Variants in ABCG8 observed in about 807,000 individuals in gnomAD.
ABCG8 encodes the protein ATP binding cassette subfamily G member 8.
Under a neutral mutation model 71.3 loss-of-function variants are expected in ABCG8, and 81 were observed. That is an observed-to-expected ratio of 1.14 (90% CI 0.95 to 1.37). The LOEUF is 1.37. Among genes scored for constraint, ABCG8 ranks in the 40% most tolerant of loss-of-function variants. The pLI is 0.00. For missense variants in ABCG8, 1,119 were observed against 866.2 expected (o/e 1.29, Z -3.66); for synonymous variants, 451 against 354.7 (o/e 1.27, Z -3.05).
At chr2:43,847,772 T>C (rs2104914340) in intron 3 of ABCG8, 1 of 152,294 alleles carries the variant, frequency 6.6e-6, no homozygotes, top group Non-Finnish European at 1.5e-5. Context: ...GTTGTTGTTT[T>C]GTTTTTTTGA....
rs768575372 is a variant in ABCG8 at position 43,852,502 on chromosome 2, G to A, written c.694+16G>A. 42 of 1,613,310 alleles carry A rather than the reference G, an allele frequency of 2.6e-5. 1 individual carries two copies. The Admixed American group carries it at 6.0e-4, about 23-fold the overall frequency. On this transcript the variant is annotated intron_variant, in intron 5 of 12. Transcript: ENST00000272286. ...TGGAACCCAGGTGAGGGCCTGGGGG[G>A]CAGATGGGGGCAGAGGGACCTGTGC... is the stretch of plus-strand genomic sequence containing the variant.
chr2:43,855,773 A>G (rs1256625179), intron 6 of ABCG8, among the ~76,000 whole-genome samples: 2 of 149,734 alleles, frequency 1.3e-5, no homozygotes, highest in East Asian at 2.0e-4. Flanking sequence ...TATAATTCTC[A>G]CTCTCAGGAT....
chr2:43,864,352 C>A (rs1453661640), intron 6 of ABCG8, among the ~76,000 whole-genome samples: 3 of 151,694 alleles, frequency 2.0e-5, no homozygotes, highest in Non-Finnish European at 4.4e-5. Flanking sequence ...CTGGATGGAA[C>A]CCTCACTACC....
At chr2:43,870,824 C>T (rs1009073005) in intron 6 of ABCG8, among the ~76,000 whole-genome samples, 2 of 151,576 alleles carry the variant, frequency 1.3e-5, no homozygotes, top group Non-Finnish European at 2.9e-5. Flanking sequence ...TTCTCATTCT[C>T]TGGATAGAAC....
chr2:43,865,916 T>C (rs941365840), intron 6 of ABCG8, among the ~76,000 whole-genome samples: 11 of 152,096 alleles, frequency 7.2e-5, no homozygotes, highest in African/African-American at 2.7e-4. Context: ...TGGATAGAAC[T>C]CTGACTATCT....
chr2:43,855,144 C>T (rs1218321847), intron 6 of ABCG8, among the ~76,000 whole-genome samples: 1 of 152,116 alleles, frequency 6.6e-6, no homozygotes, highest in African/African-American at 2.4e-5. Flanking sequence ...ATAGAATTCT[C>T]ATTCTCTGGA....
At position 43,852,471 on chromosome 2, in the gene ABCG8, C is replaced by G. The variant is rs1668956030; in HGVS notation, c.679C>G (p.Leu227Val). The G allele has an allele frequency of 1.2e-6, 2 of 1,613,316 alleles. No homozygotes were observed. Among genetic ancestry groups the G allele is most frequent in the Admixed American group, 3.3e-5 (2 of 60,002 alleles). ...ERRRVSIGVQ[L>V]LWNPGILILD... ...CAGGAGAGTCAGCATTGGGGTGCAG[C>G]TCCTGTGGAACCCAGGTGAGGGCCT... is the stretch of plus-strand genomic sequence containing the variant. Residue 227 changes from leucine (L) to valine (V), a missense_variant, in exon 5 of 13, where the codon CTC (leucine) becomes GTC (valine). By Grantham distance (32) the Leu-to-Val change is conservative. Coordinates refer to ENST00000272286, the MANE Select transcript of ABCG8 (RefSeq NM_022437.3).
Position 43,881,842 on chromosome 2 carries a change from G to C in ABCG8, c.*3929G>C, listed in dbSNP as rs1670139953. 1 of 152,182 alleles carries C rather than the reference G, an allele frequency of 6.6e-6. No individual in the cohort carries two copies. The highest frequency in any genetic ancestry group is 1.5e-5 in the Non-Finnish European group (1 of 68,048). 9.4% of individuals were successfully genotyped at this position (152,182 alleles called of 1,614,324 possible). A position where few individuals can be genotyped will look rare whatever the true frequency, so the allele number is the denominator to read the frequency against. ...ATGGCTTGCAAAGTTTTCCTGTTAA[G>C]AGTCAGATAGTAAATATTTGGGACT... is the stretch of plus-strand genomic sequence containing the variant. On this transcript the variant is annotated 3_prime_UTR_variant, in exon 13 of 13. Transcript: ENST00000272286.
At chr2:43,863,125 C>T (rs1033663391) in intron 6 of ABCG8, among the ~76,000 whole-genome samples, 1 of 150,910 alleles carries the variant, frequency 6.6e-6, no homozygotes. Context: ...ATAGAATTCT[C>T]ACTCTCTGGA....
intron 3 of ABCG8, among the ~76,000 whole-genome samples, chr2:43,850,111 C>G (rs1668867924): frequency 6.6e-6 from 1 of 152,066 alleles, no homozygotes; most frequent in Non-Finnish European, 1.5e-5. Context: ...GTAATCCCAG[C>G]TACTCAGGAG....
At chr2:43,876,890 G>A (rs11124949) in intron 11 of ABCG8, among the ~76,000 whole-genome samples, 5,649 of 151,222 alleles carry the variant, frequency 0.037, 147 homozygotes, top group South Asian at 0.083. Flanking sequence ...GGGAGACCAT[G>A]GGAATATGGG....
At chr2:43,854,353 T>TG (rs1669027772) in intron 6 of ABCG8, among the ~76,000 whole-genome samples, 1 of 152,036 alleles carries the variant, frequency 6.6e-6, no homozygotes, top group African/African-American at 2.4e-5. Flanking sequence ...AAGGGCCGGG[T>TG]GCAGTGGCTC....
chr2:43,865,551 C>A (rs904678392), intron 6 of ABCG8, among the ~76,000 whole-genome samples: 52 of 149,432 alleles, frequency 3.5e-4, no homozygotes, highest in African/African-American at 1.3e-3. Context: ...GGATAGAATT[C>A]TCACCCTCTA....
intron 6 of ABCG8, among the ~76,000 whole-genome samples, chr2:43,857,738 A>G (rs972129894): frequency 7.9e-5 from 12 of 151,842 alleles, no homozygotes; most frequent in Non-Finnish European, 1.5e-4. Context: ...ATCTGGATAG[A>G]ATTCTCAACA....
chr2:43,861,358 A>T (rs1394156510), intron 6 of ABCG8, among the ~76,000 whole-genome samples: 2 of 151,324 alleles, frequency 1.3e-5, no homozygotes, highest in Non-Finnish European at 3.0e-5. Context: ...ATCTATTTGG[A>T]TAGAATTCTC....
chr2:43,843,078 A>G (rs1264317944), intron 1 of ABCG8, among the ~76,000 whole-genome samples: 3 of 152,238 alleles, frequency 2.0e-5, no homozygotes, highest in African/African-American at 7.2e-5. Context: ...ATGTGCGTGC[A>G]TTGTGTACAT....
intron 6 of ABCG8, among the ~76,000 whole-genome samples, chr2:43,857,721 T>A (rs1320501215): frequency 1.3e-5 from 2 of 151,774 alleles, no homozygotes; most frequent in African/African-American, 4.8e-5. Context: ...TGGAGAGAAC[T>A]CTCACTATCT....
chr2:43,871,422 C>T (rs1669768407), intron 6 of ABCG8, among the ~76,000 whole-genome samples: 1 of 152,022 alleles, frequency 6.6e-6, no homozygotes, highest in Non-Finnish European at 1.5e-5. Context: ...ATAGAACTGT[C>T]ACTGTCTATC....
intron 6 of ABCG8, among the ~76,000 whole-genome samples, chr2:43,870,801 T>C (rs185759230): frequency 6.6e-6 from 1 of 151,036 alleles, no homozygotes; most frequent in African/African-American, 2.5e-5. Flanking sequence ...AGAATCTCAC[T>C]ATCTAGATAG....
Sources: allele counts gnomAD v4.1 joint callset (sites outside exome capture counted in the v4.1 genomes callset), GRCh38; gene constraint gnomAD v4.1.1; transcripts MANE v1.5; gene names NCBI Gene and HGNC (gene_info 2026-07-23, HGNC 2026-07-21).